The following ANXA9 variants were observed in gnomAD, a reference collection of about 807,000 sequenced individuals.
The protein encoded by ANXA9 is annexin 31.
ANXA9 carries 47 observed loss-of-function variants against 51.8 expected under a neutral mutation model. The observed-to-expected ratio is 0.91, with a 90% CI of 0.72 to 1.16. The LOEUF (loss-of-function observed/expected upper bound fraction) is 1.16, where lower values mean the gene tolerates loss of function less well. Ranked by LOEUF, ANXA9 falls within the 50% of genes most tolerant of loss-of-function variation. The pLI is 0.00. For missense variants in ANXA9, 361 were observed against 424.7 expected (o/e 0.85, Z 1.32); for synonymous variants, 154 against 168.7 (o/e 0.91, Z 0.68).
At chr1:150,994,520 C>A (rs1671784145) in intron 12 of ANXA9, 57 bp from the exon 13 acceptor site, 2 of 1,605,658 alleles carry the variant, frequency 1.2e-6, no homozygotes, top group South Asian at 2.2e-5. Context: ...GCCATTCAAC[C>A]CCTACTCTCA....
chr1:150,994,918 C>T, intron 13 of ANXA9: 2 of 623,678 alleles, frequency 3.2e-6, no homozygotes, highest in Non-Finnish European at 4.0e-6. Flanking sequence ...ATGGTGAAAC[C>T]CCGTCTCTAC....
chr1:150,988,651 T>G (rs1342315425), intron 12 of ANXA9, among the ~76,000 whole-genome samples: 1 of 152,190 alleles, frequency 6.6e-6, no homozygotes, highest in Non-Finnish European at 1.5e-5. Context: ...AGAGTGATGG[T>G]GATAACACTA....
intron 7 of ANXA9, among the ~76,000 whole-genome samples, chr1:150,985,188 TCTCACA>T (rs778751517): frequency 2.8e-5 from 4 of 144,296 alleles, no homozygotes; most frequent in African/African-American, 5.2e-5. Context: ...TCTCTCTCTC[TCTCACA>T]CACACACACA....
chr1:150,983,824 C>T (rs953063277), intron 4 of ANXA9, 151 bp from the exon 5 acceptor site: 2 of 782,186 alleles, frequency 2.6e-6, no homozygotes, highest in East Asian at 5.6e-5. Context: ...TTATTTGCAA[C>T]TTCTTTTGAG....
At chr1:150,990,925 A>ACC (rs1229511625) in intron 12 of ANXA9, among the ~76,000 whole-genome samples, 1 of 152,102 alleles carries the variant, frequency 6.6e-6, no homozygotes, top group Non-Finnish European at 1.5e-5. Context: ...CGGGCGGATC[A>ACC]CGAGGTCAGG....
At chr1:150,979,165 A>T (rs1671377564), upstream of ANXA9, among the ~76,000 whole-genome samples, 1 of 150,992 alleles carries the variant, frequency 6.6e-6, no homozygotes, top group South Asian at 2.2e-4. Context: ...TTGTGAACGC[A>T]TCACACACAC....
chr1:150,980,288 C>T (rs181992488), upstream of ANXA9, among the ~76,000 whole-genome samples: 1 of 151,706 alleles, frequency 6.6e-6, no homozygotes, highest in East Asian at 2.0e-4. Flanking sequence ...CCCAGCTACT[C>T]GGGAGGCGGA....
Position 150,995,582 on chromosome 1 carries a change from C to A in ANXA9, c.*260C>A. 1 of 390,428 alleles carries A rather than the reference C, an allele frequency of 2.6e-6. No individual in the cohort carries two copies. 24.2% of individuals were successfully genotyped at this position (390,428 alleles called of 1,614,324 possible). ...TTTGATAGTTTCTGCCTCACTCATC[C>A]CTCCTGTACCCTGGCCAGAACATCT... On this transcript the variant is annotated 3_prime_UTR_variant, in exon 14 of 14. Coordinates refer to ENST00000368947, the MANE Select transcript of ANXA9 (RefSeq NM_003568.3).
rs1380014713 is a variant in ANXA9 at position 150,987,776 on chromosome 1, T to A, written c.613-96T>A. 9 of 960,934 alleles carry A rather than the reference T, an allele frequency of 9.4e-6. No individual in the cohort carries two copies. In the East Asian group the frequency reaches 1.7e-4, roughly 19 times the overall value. The allele number at this position is 960,934 out of a possible 1,614,324, so 59.5% of individuals were successfully genotyped here. On this transcript the variant is annotated intron_variant, in intron 9 of 13. Transcript: ENST00000368947. ...TCCACCCTCAATCCCATTTCCATCA[T>A]GATGATGATAGATTCTGGAACGTCA...
intron 12 of ANXA9, 120 bp downstream of exon 12, chr1:150,988,461 C>A: frequency 8.2e-7 from 1 of 1,225,000 alleles, no homozygotes; most frequent in Non-Finnish European, 1.2e-6. Context: ...CGCTCTCCTT[C>A]CCAGGGCTTA....
In ANXA9 at chr1:150,995,590, A is replaced by G. The variant is rs1449989706; in HGVS notation, c.*268A>G. 5.3e-6 allele frequency: 2 copies of G among 375,212 alleles called. No individual in the cohort carries two copies. Among genetic ancestry groups the G allele is most frequent in the Non-Finnish European group, 9.6e-6 (2 of 208,616 alleles). The allele number at this position is 375,212 out of a possible 1,614,324, so 23.2% of individuals were successfully genotyped here. Reference sequence around the variant, plus strand: ...TTTCTGCCTCACTCATCCCTCCTGTACCCTGGCCAGAACATCTCACTGATA... The same window carrying G: ...TTTCTGCCTCACTCATCCCTCCTGTGCCCTGGCCAGAACATCTCACTGATA... On this transcript the variant is annotated 3_prime_UTR_variant, in exon 14 of 14. Coordinates refer to ENST00000368947, the MANE Select transcript of ANXA9 (RefSeq NM_003568.3).
At position 150,984,012 on chromosome 1, in the gene ANXA9, C is replaced by G. The variant is rs1243106776; in HGVS notation, c.210C>G (p.Asn70Lys). Residue 70 changes from asparagine to lysine, a missense_variant, in exon 5 of 14, where the codon AAC (asparagine) becomes AAG (lysine). Coordinates refer to ENST00000368947, the MANE Select transcript of ANXA9 (RefSeq NM_003568.3). ...DRSAIVDVLT[N>K]RSREQRQLIS... is the part of the protein sequence containing the mutation. ...GTGCCATTGTGGACGTGCTGACCAA[C>G]CGGAGCAGAGAGCAAAGGCAGCTCA... 1 of 1,612,812 alleles carries G rather than the reference C, an allele frequency of 6.2e-7. No homozygotes were observed. Among genetic ancestry groups the G allele is most frequent in the Admixed American group, 1.7e-5 (1 of 59,366 alleles).
chr1:150,989,128 C>T (rs1263881262), intron 12 of ANXA9, among the ~76,000 whole-genome samples: 3 of 151,908 alleles, frequency 2.0e-5, no homozygotes, highest in Admixed American at 6.6e-5. Flanking sequence ...TACAGGCGCC[C>T]GCCACCACAT....
At chr1:150,984,562 G>A in intron 6 of ANXA9, 24 bp from the exon 7 acceptor site, 4 of 1,609,970 alleles carry the variant, frequency 2.5e-6, no homozygotes, top group Non-Finnish European at 3.4e-6. Flanking sequence ...GCCAGTCTGA[G>A]AGTAGACTCC....
intron 9 of ANXA9, 115 bp from the exon 10 acceptor site, chr1:150,987,757 C>A: frequency 1.2e-6 from 1 of 862,332 alleles, no homozygotes. Flanking sequence ...CTTTTCCACC[C>A]TCAATCCCAT....
chr1:150,985,200 A>T (rs1463653667), intron 7 of ANXA9, among the ~76,000 whole-genome samples: 47 of 151,574 alleles, frequency 3.1e-4, no homozygotes, highest in African/African-American at 4.6e-4. Flanking sequence ...TCACACACAC[A>T]CACACACACA....
At position 150,994,666 on chromosome 1, in the gene ANXA9, G is replaced by A. The variant is rs199963577; in HGVS notation, c.942G>A (p.Lys314=). The change falls in exon 13 of 14, where the codon AAG becomes AAA. Residue 314 remains lysine (K), a synonymous_variant. Coordinates refer to ENST00000368947, the MANE Select transcript of ANXA9 (RefSeq NM_003568.3). ...TGAGTATCAGAGCTGAGTTCAGGAA[G>A]AAATTTGGGAAGTCCCTCTACTCTT... ...DLLSIRAEFR[K]KFGKSLYSSL... 2 of 1,613,954 alleles carry A rather than the reference G, an allele frequency of 1.2e-6. No homozygotes were observed. Among genetic ancestry groups the A allele is most frequent in the African/African-American group, 2.7e-5 (2 of 74,912 alleles).
chr1:150,992,367 T>C lies in ANXA9; in HGVS notation c.853-2210T>C, dbSNP rs587656851. ...GAGTTCGAGACCAGACTGACCAACA[T>C]GGTGAAACCCCGTCTCTACTAAATA... is the stretch of plus-strand genomic sequence containing the variant. On this transcript the variant is annotated intron_variant, in intron 12 of 13. Transcript: ENST00000368947. Among the ~76,000 whole-genome samples, 38 of 152,184 alleles carry C rather than the reference T, an allele frequency of 2.5e-4. 1 individual carries two copies. The highest frequency in any genetic ancestry group is 2.3e-3 in the Admixed American group (35 of 15,280).
chr1:150,995,118 T>C, intron 13 of ANXA9, 142 bp from the exon 14 acceptor site: 1 of 830,118 alleles, frequency 1.2e-6, no homozygotes, highest in Non-Finnish European at 1.9e-6. Context: ...GAGTCTTTGG[T>C]TAATGTAGTG....
Sources: allele counts gnomAD v4.1 joint callset (sites outside exome capture counted in the v4.1 genomes callset), GRCh38; gene constraint gnomAD v4.1.1; transcripts MANE v1.5; gene names NCBI Gene and HGNC (gene_info 2026-07-23, HGNC 2026-07-21).